The following GRIA4 variants were observed in gnomAD, a reference collection of about 807,000 sequenced individuals.
GRIA4 encodes glutamate ionotropic receptor AMPA type subunit 4.
A neutral mutation model predicts 104.0 loss-of-function variants in GRIA4; 34 were observed. That is an observed-to-expected ratio of 0.33 (90% confidence interval 0.25 to 0.44). GRIA4 has a LOEUF of 0.44. Ranked by LOEUF, GRIA4 falls within the 20% of genes least tolerant of loss-of-function variation. GRIA4 has a pLI of 1.00. For synonymous variants in GRIA4, 386 were observed against 381.9 expected (o/e 1.01, Z -0.13); for missense variants, 750 against 1,096.5 (o/e 0.68, Z 4.46).
At chr11:105,779,059 G>T (rs1263645353) in intron 4 of GRIA4, among the ~76,000 whole-genome samples, 63 of 150,270 alleles carry the variant, frequency 4.2e-4, no homozygotes, top group African/African-American at 1.4e-3. Context: ...CCTTGCGATA[G>T]TTTGCTGAGA....
intron 4 of GRIA4, among the ~76,000 whole-genome samples, chr11:105,785,630 G>A (rs1182835650): frequency 6.6e-6 from 1 of 152,068 alleles, no homozygotes; most frequent in African/African-American, 2.4e-5. Flanking sequence ...TAAATCAAGT[G>A]ATGTTTATAT....
At chr11:105,781,742 T>A (rs193075680) in intron 4 of GRIA4, among the ~76,000 whole-genome samples, 45 of 152,250 alleles carry the variant, frequency 3.0e-4, no homozygotes, top group African/African-American at 1.1e-3. Flanking sequence ...TGCAGTGCAA[T>A]GTCTGCTTAC....
chr11:105,759,283 T>C (rs1395759061), intron 4 of GRIA4, among the ~76,000 whole-genome samples: 2 of 152,212 alleles, frequency 1.3e-5, no homozygotes, highest in Non-Finnish European at 2.9e-5. Context: ...TTTTATATTA[T>C]GAGATTTAAA....
rs537658295 is a variant in GRIA4 at position 105,756,746 on chromosome 11, T to A, written c.487+3526T>A. On this transcript the variant is annotated intron_variant, in intron 4 of 16. Coordinates refer to ENST00000282499, the MANE Select transcript of GRIA4 (RefSeq NM_000829.4). ...GGAGTTTCCTTTTTTAAATCTTTTA[T>A]GAAGACTCTCAGGAAAAAAAAAAAT... Among the ~76,000 whole-genome samples the A allele has an allele frequency of 1.7e-4, 19 of 112,476 alleles. No homozygotes were observed. The Admixed American group carries it at 1.8e-3, about 11-fold the overall frequency. The allele number at this position is 112,476 out of a possible 152,430, so 73.8% of individuals were successfully genotyped here. A position where few individuals can be genotyped will look rare whatever the true frequency, so the allele number is the denominator to read the frequency against.
At chr11:105,970,021 G>T (rs986772512) in intron 14 of GRIA4, among the ~76,000 whole-genome samples, 3 of 152,052 alleles carry the variant, frequency 2.0e-5, no homozygotes, top group African/African-American at 7.2e-5. Context: ...GGTTGGTATG[G>T]ATAGGAAAAC....
intron 4 of GRIA4, among the ~76,000 whole-genome samples, chr11:105,832,784 T>G (rs1443387568): frequency 6.6e-6 from 1 of 152,038 alleles, no homozygotes; most frequent in Admixed American, 6.6e-5. Flanking sequence ...TGGCTGACAT[T>G]GTCCTTCGGC....
intron 5 of GRIA4, among the ~76,000 whole-genome samples, chr11:105,871,462 T>C (rs1234350766): frequency 6.6e-6 from 1 of 150,880 alleles, no homozygotes; most frequent in East Asian, 1.9e-4. Flanking sequence ...GTTTTATTTC[T>C]ATAGTTAGAC....
chr11:105,722,867 T>C (rs1937926106), intron 3 of GRIA4, among the ~76,000 whole-genome samples: 1 of 152,150 alleles, frequency 6.6e-6, no homozygotes, highest in Non-Finnish European at 1.5e-5. Flanking sequence ...TCTAGGCATT[T>C]TTACAGTGAA....
chr11:105,642,041 T>G (rs754083069), intron 3 of GRIA4, among the ~76,000 whole-genome samples: 105 of 152,154 alleles, frequency 6.9e-4, no homozygotes, highest in Non-Finnish European at 1.2e-3. Flanking sequence ...TCTCTGCATG[T>G]CTGTGTCCTA....
At chr11:105,829,344 A>G (rs958490435) in intron 4 of GRIA4, among the ~76,000 whole-genome samples, 4 of 151,970 alleles carry the variant, frequency 2.6e-5, no homozygotes, top group Non-Finnish European at 4.4e-5. Context: ...CAGGAGTTAC[A>G]TGGAGTCAAG....
At chr11:105,979,532 G>GT in intron 16 of GRIA4, 43 bp from the exon 17 acceptor site, 1 of 1,571,066 alleles carries the variant, frequency 6.4e-7, no homozygotes, top group Non-Finnish European at 8.8e-7. Flanking sequence ...CAGAAATATG[G>GT]TAACACTCCG....
chr11:105,669,260 A>C (rs566445884), intron 3 of GRIA4, among the ~76,000 whole-genome samples: 3 of 152,038 alleles, frequency 2.0e-5, no homozygotes, highest in South Asian at 2.1e-4. Flanking sequence ...GCTTTACACC[A>C]GTCTCTCTCA....
rs151320373 is a variant in GRIA4, at chr11:105,680,906, C to A, written c.247+68472C>A. On this transcript the variant is annotated intron_variant, in intron 3 of 16. Transcript: ENST00000282499. ...ACATCTTCCCTGAGGCATTTATGCT[C>A]CACTTTGCTCATACATTACAACATC... Among the ~76,000 whole-genome samples the A allele has an allele frequency of 7.9e-5, 12 of 152,206 alleles. No individual in the cohort carries two copies. In the East Asian group the frequency reaches 1.9e-3, roughly 25 times the overall value.
intron 4 of GRIA4, among the ~76,000 whole-genome samples, chr11:105,775,163 C>T (rs1401245723): frequency 6.6e-6 from 1 of 152,080 alleles, no homozygotes; most frequent in East Asian, 1.9e-4. Context: ...TCTTCACATG[C>T]CTTCTCCTCT....
At chr11:105,941,291 A>T (rs952079330) in intron 14 of GRIA4, among the ~76,000 whole-genome samples, 2 of 152,202 alleles carry the variant, frequency 1.3e-5, no homozygotes, top group Non-Finnish European at 2.9e-5. Context: ...ACTTCATGAA[A>T]ATCTAAAAAT....
intron 3 of GRIA4, among the ~76,000 whole-genome samples, chr11:105,743,057 G>A (rs1423623802): frequency 1.3e-5 from 2 of 152,034 alleles, no homozygotes; most frequent in Non-Finnish European, 2.9e-5. Flanking sequence ...CCTAAACTGG[G>A]TGCGCATATA....
chr11:105,672,185 T>C (rs1176137532), intron 3 of GRIA4, among the ~76,000 whole-genome samples: 1 of 152,202 alleles, frequency 6.6e-6, no homozygotes, highest in Admixed American at 6.6e-5. Context: ...GTTACTGCAA[T>C]TCTTGTGCCA....
chr11:105,669,486 C>G (rs1591534588), intron 3 of GRIA4, among the ~76,000 whole-genome samples: 1 of 152,172 alleles, frequency 6.6e-6, no homozygotes, highest in East Asian at 1.9e-4. Flanking sequence ...TGCTAATCTT[C>G]CTGATTTGGA....
At chr11:105,978,122 A>G (rs1445236742) in intron 16 of GRIA4, among the ~76,000 whole-genome samples, 1 of 152,062 alleles carries the variant, frequency 6.6e-6, no homozygotes, top group Non-Finnish European at 1.5e-5. Context: ...TTAGTATATT[A>G]TTCTATCAGT....
Sources: gnomAD v4.1 joint callset for allele counts (sites outside exome capture counted in the v4.1 genomes callset) on GRCh38, gnomAD v4.1.1 for gene constraint, MANE v1.5 for transcripts, NCBI Gene and HGNC (gene_info 2026-07-23, HGNC 2026-07-21) for gene names.